Variants in PRPF8 observed in about 807,000 individuals in gnomAD.
PRPF8 encodes the protein pre-mRNA-processing-splicing factor 8.
In PRPF8, 64 loss-of-function variants were observed where a neutral mutation model predicts 285.9. That is an observed-to-expected ratio of 0.22 (90% confidence interval 0.18 to 0.28). PRPF8 has a LOEUF of 0.28. Ranked by LOEUF, PRPF8 falls within the 10% of genes least tolerant of loss-of-function variation. The probability of loss-of-function intolerance (pLI) is 1.00; values close to 1 mark genes in which losing one functional copy is unlikely to be tolerated. For synonymous variants in PRPF8, 1,325 were observed against 1,118.2 expected, an observed-to-expected ratio of 1.18 and a Z score of -3.69; for missense variants, 1,426 against 3,026.7, an observed-to-expected ratio of 0.47 and a Z score of 12.41.
intron 37 of PRPF8, 52 bp downstream of exon 37, chr17:1,655,298 C>T: frequency 6.2e-7 from 1 of 1,604,344 alleles, no homozygotes; most frequent in Non-Finnish European, 8.5e-7. Context: ...CCAAAAAACC[C>T]CAGAAAACCG....
Position 1,676,281 on chromosome 17 carries a change from T to C in PRPF8, c.2478A>G (p.Pro826=), listed in dbSNP as rs140454139. Residue 826 remains proline (P), a synonymous_variant, in exon 17 of 43, where the codon CCA becomes CCG. Coordinates refer to ENST00000304992, the MANE Select transcript of PRPF8 (RefSeq NM_006445.4). The surrounding 1 kb of genome is among the most constrained non-coding windows in gnomAD (Gnocchi z 6.3). The part of the protein sequence containing the change: ...WLESRRFSPI[P]FPPLSYKHDT... ...CATGCTTATAGGAGAGTGGGGGGAA[T>C]GGGATGGGTGAAAACCTGCGGCTTT... The C allele has an allele frequency of 5.3e-5, 86 of 1,613,902 alleles. No homozygotes were observed. The highest frequency in any genetic ancestry group is 7.1e-5 in the Non-Finnish European group (84 of 1,180,012).
intron 13 of PRPF8, 25 bp downstream of exon 13, chr17:1,678,493 A>C: frequency 1.9e-6 from 3 of 1,614,096 alleles, no homozygotes; most frequent in Non-Finnish European, 1.7e-6. Flanking sequence ...CAAAAAAAAG[A>C]AAGTCAGTAA....
In PRPF8 at chr17:1,679,365, G is replaced by C. The variant is rs1912780033; in HGVS notation, c.1335C>G (p.Val445=). ...AGTACTTAAGCAGCTTCTGGTAGGA[G>C]ACCCTCACTTTCACAGGCTGCCCGG... ...CPAGQPVKVR[V]SYQKLLKYYV... The change falls in exon 10 of 43, where the codon GTC becomes GTG. Residue 445 remains valine, a synonymous_variant. Coordinates refer to ENST00000304992, the MANE Select transcript of PRPF8 (RefSeq NM_006445.4). This position sits in a 1 kb window ranked among gnomAD's most constrained non-coding sequence, Gnocchi z 4.7. 17 of 1,613,858 alleles carry C rather than the reference G, an allele frequency of 1.1e-5. No individual in the cohort carries two copies. In the East Asian group the frequency reaches 3.8e-4, roughly 36 times the overall value.
chr17:1,665,248 G>A (rs1911901218), intron 24 of PRPF8, among the ~76,000 whole-genome samples: 2 of 149,874 alleles, frequency 1.3e-5, no homozygotes, highest in African/African-American at 4.9e-5. Context: ...ATTAGAAAAA[G>A]AGAAAGGTTG....
At chr17:1,681,167 C>T in intron 6 of PRPF8, 113 bp from the exon 7 acceptor site, 2 of 1,197,888 alleles carry the variant, frequency 1.7e-6, no homozygotes, top group East Asian at 4.7e-5. Context: ...CAGCCGTGAC[C>T]TCCTGGGCTC....
Position 1,679,445 on chromosome 17 carries a change from C to CT in PRPF8, c.1290-36dup, listed in dbSNP as rs1239726127. The stretch of plus-strand genomic sequence containing the variant: ...TAAGCCCACCAGAGTTTGGCCATCT[C>CT]TTCTTCCAGACACTCTGCTAAAGGC... On this transcript the variant is annotated intron_variant, in intron 9 of 42. Transcript: ENST00000304992. This position sits in a 1 kb window ranked among gnomAD's most constrained non-coding sequence, Gnocchi z 4.7. The CT allele has an allele frequency of 6.2e-6, 10 of 1,611,716 alleles. No individual in the cohort carries two copies. Among genetic ancestry groups the CT allele is most frequent in the African/African-American group, 5.4e-5 (4 of 74,704 alleles).
intron 3 of PRPF8, 150 bp downstream of exon 3, chr17:1,683,383 G>T: frequency 1.2e-6 from 1 of 839,778 alleles, no homozygotes; most frequent in Non-Finnish European, 2.0e-6. Context: ...AAAAGTGGAA[G>T]ATGTAGAAAT....
At chr17:1,665,845 C>CA (rs1275826190) in intron 24 of PRPF8, among the ~76,000 whole-genome samples, 5,130 of 83,972 alleles carry the variant, frequency 0.061, 373 homozygotes, top group African/African-American at 0.2. Context: ...GACTCCATCT[C>CA]AAAAAAAAAA....
In PRPF8 at chr17:1,653,397, C is replaced by T. The variant is rs1911188394; in HGVS notation, c.6369+145G>A. ...TGCTATCTCATGGGGCCAAAACCCA[C>T]CTCGTTGTTTTGGCTATCCTTGTAT... is the stretch of plus-strand genomic sequence containing the variant. On this transcript the variant is annotated intron_variant, in intron 39 of 42. Coordinates refer to ENST00000304992, the MANE Select transcript of PRPF8 (RefSeq NM_006445.4). This position sits in a 1 kb window ranked among gnomAD's most constrained non-coding sequence, Gnocchi z 4.9. 1 of 1,168,154 alleles carries T rather than the reference C, an allele frequency of 8.6e-7. No individual in the cohort carries two copies. The highest frequency in any genetic ancestry group is 2.0e-5 in the Admixed American group (1 of 50,916). 72.4% of individuals were successfully genotyped at this position (1,168,154 alleles called of 1,614,324 possible).
At position 1,679,808 on chromosome 17, in the gene PRPF8, G is replaced by A. The variant is rs1165186506; in HGVS notation, c.1099-9C>T. Reference sequence around the variant, plus strand: ...GGCAATGGTTCCTGGCTCTGAAAAAGGAATCCCTCTAAGGGTTTAGCTCCT... The same window carrying A: ...GGCAATGGTTCCTGGCTCTGAAAAAAGAATCCCTCTAAGGGTTTAGCTCCT... On this transcript the variant is annotated splice_polypyrimidine_tract_variant and intron_variant, in intron 8 of 42. Transcript: ENST00000304992. This position sits in a 1 kb window ranked among gnomAD's most constrained non-coding sequence, Gnocchi z 4.7. 6.2e-7 allele frequency: 1 copy of A among 1,614,148 alleles called. No individual in the cohort carries two copies. The highest frequency in any genetic ancestry group is 1.7e-5 in the Admixed American group (1 of 60,012).
In PRPF8 at chr17:1,675,891, G is replaced by A. The variant is rs751131003; in HGVS notation, c.2679+37C>T. ...GAACCAAAGGCAACTGCTACCTTTG[G>A]TAGAACCAAAAAGAAAACTTGGGAG... On this transcript the variant is annotated intron_variant, in intron 18 of 42. Coordinates refer to ENST00000304992, the MANE Select transcript of PRPF8 (RefSeq NM_006445.4). This position sits in a 1 kb window ranked among gnomAD's most constrained non-coding sequence, Gnocchi z 6.0. 34 of 1,612,554 alleles carry A rather than the reference G, an allele frequency of 2.1e-5. No homozygotes were observed. Among genetic ancestry groups the A allele is most frequent in the Non-Finnish European group, 2.8e-5 (33 of 1,179,874 alleles).
Position 1,653,408 on chromosome 17 carries a change from T to C in PRPF8, c.6369+134A>G, listed in dbSNP as rs1911189350. On this transcript the variant is annotated intron_variant, in intron 39 of 42. Transcript: ENST00000304992. The surrounding 1 kb of genome is among the most constrained non-coding windows in gnomAD (Gnocchi z 4.9). Reference sequence around the variant, plus strand: ...GGGGCCAAAACCCACCTCGTTGTTTTGGCTATCCTTGTATAATTACTCATC... The same window carrying C: ...GGGGCCAAAACCCACCTCGTTGTTTCGGCTATCCTTGTATAATTACTCATC... 1 of 1,284,170 alleles carries C rather than the reference T, an allele frequency of 7.8e-7. No individual in the cohort carries two copies. Among genetic ancestry groups the C allele is most frequent in the African/African-American group, 1.5e-5 (1 of 68,172 alleles). The allele number at this position is 1,284,170 out of a possible 1,614,324, so 79.5% of individuals were successfully genotyped here.
In PRPF8 at chr17:1,678,743, T is replaced by G; in HGVS notation, c.1719+19A>C. 6.2e-7 allele frequency: 1 copy of G among 1,614,056 alleles called. No homozygotes were observed. Among genetic ancestry groups the G allele is most frequent in the East Asian group, 2.2e-5 (1 of 44,888 alleles). ...CCAGCGTCCTCACCCAGGCAGGGGT[T>G]GGGAATACCTAACCTTACCTGGAAG... On this transcript the variant is annotated intron_variant, in intron 12 of 42. Coordinates refer to ENST00000304992, the MANE Select transcript of PRPF8 (RefSeq NM_006445.4).
In PRPF8 at chr17:1,659,423, T is replaced by C; in HGVS notation, c.5072A>G (p.Asn1691Ser). The part of the protein sequence containing the change: ...RAKFLDYTTD[N>S]MSIYPSPTGV... ...TGTGGGCGAAGGGTAGATACTCATG[T>C]TGTCGGTGGTGTAGTCCAGGAACTT... The change falls in exon 32 of 43, where the codon AAC (asparagine) becomes AGC (serine). Residue 1691 changes from asparagine (N) to serine (S), a missense_variant. Asn to Ser is a conservative substitution (Grantham distance 46). Around this residue, in one of 34 missense-constraint regions of PRPF8, gnomAD observed 74 missense variants for 161.8 expected, o/e 0.46. Transcript: ENST00000304992. This position sits in a 1 kb window ranked among gnomAD's most constrained non-coding sequence, Gnocchi z 5.1. The C allele has an allele frequency of 6.2e-7, 1 of 1,614,128 alleles. No homozygotes were observed. Among genetic ancestry groups the C allele is most frequent in the Non-Finnish European group, 8.5e-7 (1 of 1,180,024 alleles).
intron 24 of PRPF8, among the ~76,000 whole-genome samples, chr17:1,667,330 AT>A (rs374965952): frequency 3.7e-4 from 56 of 152,318 alleles, no homozygotes; most frequent in African/African-American, 1.2e-3. Flanking sequence ...ACAGTGCTCT[AT>A]CCCTGAAGGG....
At position 1,679,462 on chromosome 17, in the gene PRPF8, G is replaced by A; in HGVS notation, c.1290-52C>T. ...GGCCATCTCTTCTTCCAGACACTCT[G>A]CTAAAGGCTGCAAGCCTTGGGTTGT... On this transcript the variant is annotated intron_variant, in intron 9 of 42. Coordinates refer to ENST00000304992, the MANE Select transcript of PRPF8 (RefSeq NM_006445.4). The surrounding 1 kb of genome is among the most constrained non-coding windows in gnomAD (Gnocchi z 4.7). 6.2e-7 allele frequency: 1 copy of A among 1,611,070 alleles called. No homozygotes were observed. Among genetic ancestry groups the A allele is most frequent in the Non-Finnish European group, 8.5e-7 (1 of 1,179,832 alleles).
chr17:1,669,793 C>T (rs987247246), intron 24 of PRPF8, among the ~76,000 whole-genome samples: 3 of 152,176 alleles, frequency 2.0e-5, no homozygotes, highest in Non-Finnish European at 4.4e-5. Context: ...TTCCAAGACC[C>T]GGCACCCTCC....
chr17:1,669,932 C>T (rs1203626403), intron 24 of PRPF8, among the ~76,000 whole-genome samples: 1 of 152,132 alleles, frequency 6.6e-6, no homozygotes, highest in Non-Finnish European at 1.5e-5. Flanking sequence ...TGTGGATAGG[C>T]TCCGAAATCT....
At position 1,659,844 on chromosome 17, in the gene PRPF8, G is replaced by A; in HGVS notation, c.4943C>T (p.Ser1648Phe). ...GGCTGGGTCCTGAGGCACTTACTTG[G>A]AGTCAGCCAGCAATGAGGGCCGGGA... Reference protein sequence around the residue: ...NVSRPSLLADSKDVMDSTTTQ... With the variant: ...NVSRPSLLADFKDVMDSTTTQ... The change falls in exon 31 of 43, where the codon TCC (serine) becomes TTC (phenylalanine). Residue 1648 changes from serine to phenylalanine, a missense_variant. This residue lies in a region of PRPF8 where 74 missense variants were observed against 161.8 expected (regional missense o/e 0.46). Coordinates refer to ENST00000304992, the MANE Select transcript of PRPF8 (RefSeq NM_006445.4). This position sits in a 1 kb window ranked among gnomAD's most constrained non-coding sequence, Gnocchi z 5.1. The A allele has an allele frequency of 6.2e-7, 1 of 1,614,158 alleles. No individual in the cohort carries two copies.
Sources: gnomAD v4.1 joint callset for allele counts (sites outside exome capture counted in the v4.1 genomes callset) on GRCh38, gnomAD v4.1.1 for gene constraint, gnomAD v4.1.1 regional missense constraint, Gnocchi (gnomAD v3.1) non-coding constraint, MANE v1.5 for transcripts, NCBI Gene and HGNC (gene_info 2026-07-23, HGNC 2026-07-21) for gene names.